NUS1: variants seen among roughly 807,000 people sequenced by gnomAD.
The protein encoded by NUS1 is NUS1 dehydrodolichyl diphosphate synthase subunit.
For missense variants in NUS1, 292 were observed against 382.9 expected (o/e 0.76, Z 1.98); for synonymous variants, 135 against 155.2 (o/e 0.87, Z 0.97).
chr6:117,695,208 AAAAAAAAAAAAAAG>A (rs1773300179), intron 3 of NUS1, among the ~76,000 whole-genome samples: 1 of 151,110 alleles, frequency 6.6e-6, no homozygotes, highest in African/African-American at 2.4e-5. Flanking sequence ...AAAAAAAAAA[AAAAAAAAAAAAAAG>A]AAAAAGAAAT....
Position 117,675,680 on chromosome 6 carries a change from C to T in NUS1, c.10C>T (p.Leu4=). 2.7e-6 allele frequency: 4 copies of T among 1,479,608 alleles called. No homozygotes were observed. The highest frequency in any genetic ancestry group is 1.2e-5 in the South Asian group (1 of 84,144). 91.7% of individuals were successfully genotyped at this position (1,479,608 alleles called of 1,614,324 possible). The stretch of plus-strand genomic sequence containing the variant: ...TGAGGGCCACAAGAGTATGACGGGG[C>T]TGTACGAGCTGGTGTGGCGGGTGCT... MTG[L]YELVWRVLHA... Residue 4 remains leucine (L), a synonymous_variant, in exon 1 of 5, where the codon CTG becomes TTG. Coordinates refer to ENST00000368494, the MANE Select transcript of NUS1 (RefSeq NM_138459.5).
At chr6:117,701,388 G>A (rs1046304953) in intron 3 of NUS1, among the ~76,000 whole-genome samples, 1 of 151,832 alleles carries the variant, frequency 6.6e-6, no homozygotes, top group Non-Finnish European at 1.5e-5. Context: ...GGGACTACAG[G>A]CGCCCGCCAC....
intron 4 of NUS1, among the ~76,000 whole-genome samples, chr6:117,705,244 T>C (rs1773482656): frequency 6.6e-6 from 1 of 152,182 alleles, no homozygotes; most frequent in African/African-American, 2.4e-5. Flanking sequence ...TATGTTTCTC[T>C]TACCTGGTTT....
In NUS1 at chr6:117,684,490, C is replaced by CAA. The variant is rs1773107729; in HGVS notation, c.415+8405_415+8406insAA. 3.9e-5 allele frequency among the ~76,000 whole-genome samples: 6 copies of CAA among 152,192 alleles called. No homozygotes were observed. The South Asian group carries it at 1.2e-3, about 31-fold the overall frequency. ...TTACTGTAGTAGCCTCCTAATTGAT[C>CAA]TCCATTTTTCTATCCTGGTCCCTGT... On this transcript the variant is annotated intron_variant, in intron 1 of 4. Coordinates refer to ENST00000368494, the MANE Select transcript of NUS1 (RefSeq NM_138459.5).
rs142592651 is a variant in NUS1, at chr6:117,687,548, T to G, written c.416-5494T>G. Among the ~76,000 whole-genome samples, 13 of 152,198 alleles carry G rather than the reference T, an allele frequency of 8.5e-5. 1 individual carries two copies. The East Asian group carries it at 1.9e-3, about 23-fold the overall frequency. ...GGCTGGGGAATTGGGAAAGGCCTCT[T>G]GAAGGTAAATGACATTTCAGCTGGC... On this transcript the variant is annotated intron_variant, in intron 1 of 4. Coordinates refer to ENST00000368494, the MANE Select transcript of NUS1 (RefSeq NM_138459.5).
At position 117,709,268 on chromosome 6, in the gene NUS1, T is replaced by G. The variant is rs1773543497; in HGVS notation, c.*2253T>G. 1 of 150,960 alleles carries G rather than the reference T, an allele frequency of 6.6e-6. No homozygotes were observed. The highest frequency in any genetic ancestry group is 6.6e-5 in the Admixed American group (1 of 15,080). 9.4% of individuals were successfully genotyped at this position (150,960 alleles called of 1,614,324 possible). A position where few individuals can be genotyped will look rare whatever the true frequency, so the allele number is the denominator to read the frequency against. ...TTTAAACAAAAGTATGTGTCTTTAT[T>G]TGTATTGGAAAATACTGTCTTTAAA... On this transcript the variant is annotated 3_prime_UTR_variant, in exon 5 of 5. Transcript: ENST00000368494.
chr6:117,681,505 A>G (rs1773061218), intron 1 of NUS1, among the ~76,000 whole-genome samples: 1 of 152,220 alleles, frequency 6.6e-6, no homozygotes, highest in African/African-American at 2.4e-5. Context: ...GAAAATGAAC[A>G]TAGTTTACCC....
At chr6:117,698,362 C>G (rs189728807) in intron 3 of NUS1, among the ~76,000 whole-genome samples, 517 of 152,056 alleles carry the variant, frequency 3.4e-3, no homozygotes, top group Non-Finnish European at 6.2e-3. Context: ...TACAGAAATT[C>G]AAAGGATCAT....
chr6:117,686,014 C>T (rs2114681662), intron 1 of NUS1, among the ~76,000 whole-genome samples: 2 of 149,956 alleles, frequency 1.3e-5, no homozygotes, highest in African/African-American at 4.9e-5. Context: ...GTAATCCCAG[C>T]ACTTTGGGAG....
intron 4 of NUS1, 95 bp from the exon 5 acceptor site, chr6:117,706,830 C>A: frequency 1.1e-6 from 1 of 936,124 alleles, no homozygotes. Context: ...TTGGTGTATT[C>A]TATTCTTAAC....
intron 3 of NUS1, among the ~76,000 whole-genome samples, chr6:117,699,794 C>T (rs1376756343): frequency 6.6e-6 from 1 of 152,114 alleles, no homozygotes; most frequent in Admixed American, 6.5e-5. Context: ...CAGCATGGTA[C>T]TGGCATAAAA....
chr6:117,677,220 C>T (rs1460585379), intron 1 of NUS1, among the ~76,000 whole-genome samples: 1 of 152,144 alleles, frequency 6.6e-6, no homozygotes, highest in African/African-American at 2.4e-5. Flanking sequence ...AGGAGGTAGG[C>T]ACACACTCAC....
chr6:117,702,771 A>G (rs1433430414), intron 3 of NUS1, among the ~76,000 whole-genome samples: 2 of 152,276 alleles, frequency 1.3e-5, no homozygotes, highest in East Asian at 3.9e-4. Context: ...GGACTGCCTG[A>G]TCCAGTTTCC....
intron 3 of NUS1, among the ~76,000 whole-genome samples, chr6:117,695,211 A>AAAAAAG (rs1773300364): frequency 6.6e-6 from 1 of 151,294 alleles, no homozygotes; most frequent in Non-Finnish European, 1.5e-5. Context: ...AAAAAAAAAA[A>AAAAAAG]AAAAAAAAAA....
intron 3 of NUS1, among the ~76,000 whole-genome samples, chr6:117,698,686 A>G (rs1050426458): frequency 2.0e-5 from 3 of 152,120 alleles, no homozygotes; most frequent in Admixed American, 6.5e-5. Context: ...TAGTATTACC[A>G]TGTTACCCAA....
At position 117,707,653 on chromosome 6, in the gene NUS1, G is replaced by C. The variant is rs1174496083; in HGVS notation, c.*638G>C. The stretch of plus-strand genomic sequence containing the variant: ...TTGAGAGTGTTGCTCTGGTATTCTG[G>C]GTTCTGAAGTCTGGTATTCTGGTAT... On this transcript the variant is annotated 3_prime_UTR_variant, in exon 5 of 5. Coordinates refer to ENST00000368494, the MANE Select transcript of NUS1 (RefSeq NM_138459.5). The C allele has an allele frequency of 7.2e-6, 1 of 139,454 alleles. No homozygotes were observed. Among genetic ancestry groups the C allele is most frequent in the East Asian group, 2.1e-4 (1 of 4,806 alleles). 8.6% of individuals were successfully genotyped at this position (139,454 alleles called of 1,614,324 possible). A position where few individuals can be genotyped will look rare whatever the true frequency, so the allele number is the denominator to read the frequency against.
rs1554202852 is a variant in NUS1, at chr6:117,706,936, C to A, written c.803C>A (p.Ser268Tyr). 6.2e-7 allele frequency: 1 copy of A among 1,612,528 alleles called. No individual in the cohort carries two copies. Among genetic ancestry groups the A allele is most frequent in the Non-Finnish European group, 8.5e-7 (1 of 1,178,790 alleles). Residue 268 changes from serine to tyrosine, a missense_variant, in exon 5 of 5, where the codon TCC becomes TAC. By Grantham distance (144) the Ser-to-Tyr change is moderately radical. Transcript: ENST00000368494. Reference protein sequence around the residue: ...IRLTEIVSLPSHLNISYEDFF... With the variant: ...IRLTEIVSLPYHLNISYEDFF... ...TGTTTTCTTTTCAGCTCTTTGCCTT[C>A]CCACCTAAACATCAGTTATGAGGAC...
intron 2 of NUS1, among the ~76,000 whole-genome samples, chr6:117,693,526 A>ATT (rs1385092077): frequency 6.6e-5 from 10 of 152,192 alleles, no homozygotes; most frequent in African/African-American, 2.4e-4. Flanking sequence ...ATGTCTATAG[A>ATT]TAAGAATTTT....
rs947555379 is a variant in NUS1, at chr6:117,675,512, G to A, written c.-159G>A. 120 of 682,632 alleles carry A rather than the reference G, an allele frequency of 1.8e-4. No individual in the cohort carries two copies. The highest frequency in any genetic ancestry group is 2.7e-4 in the Non-Finnish European group (112 of 409,084). The allele number at this position is 682,632 out of a possible 1,614,324, so 42.3% of individuals were successfully genotyped here. ...CTGCCAAGGGAGGAGGAAGATGGCG[G>A]CGGGGGCGAGGTGAGGTGTTGGCAG... On this transcript the variant is annotated 5_prime_UTR_variant, in exon 1 of 5. Coordinates refer to ENST00000368494, the MANE Select transcript of NUS1 (RefSeq NM_138459.5).
Sources: gnomAD v4.1 joint callset for allele counts (sites outside exome capture counted in the v4.1 genomes callset) on GRCh38, gnomAD v4.1.1 for gene constraint, MANE v1.5 for transcripts, NCBI Gene and HGNC (gene_info 2026-07-23, HGNC 2026-07-21) for gene names.